MSH4: variants seen among roughly 807,000 people sequenced by gnomAD.
MSH4 encodes mutS protein homolog 4.
Under a neutral mutation model 113.7 loss-of-function variants are expected in MSH4, and 106 were observed. The observed-to-expected ratio is 0.93, with a 90% CI of 0.80 to 1.10. The LOEUF (loss-of-function observed/expected upper bound fraction) is 1.10, where lower values mean the gene tolerates loss of function less well. Ranked by LOEUF, MSH4 falls within the 50% of genes least tolerant of loss-of-function variation. MSH4 has a pLI of 0.00. For synonymous variants in MSH4, 368 were observed against 380.2 expected (o/e 0.97, Z 0.37); for missense variants, 1,061 against 1,093.7 (o/e 0.97, Z 0.42).
At chr1:75,836,537 C>A (rs72979226) in intron 7 of MSH4, among the ~76,000 whole-genome samples, 41,941 of 151,986 alleles carry the variant, frequency 0.28, 6,072 homozygotes, top group Middle Eastern at 0.37. Context: ...TAATAAATTA[C>A]TGGCACATAA....
chr1:75,804,585 A>C (rs1296094922), intron 2 of MSH4, among the ~76,000 whole-genome samples: 2 of 138,508 alleles, frequency 1.4e-5, no homozygotes, highest in African/African-American at 5.5e-5. Flanking sequence ...ATCTCGACTC[A>C]CTGCAATGTC....
At chr1:75,834,281 C>G (rs143926186) in intron 7 of MSH4, among the ~76,000 whole-genome samples, 11,996 of 152,220 alleles carry the variant, frequency 0.079, 731 homozygotes, top group East Asian at 0.27. Context: ...CAGGAAATAA[C>G]AAGTGCTGGA....
chr1:75,817,897 C>T (rs1557494436), intron 6 of MSH4, among the ~76,000 whole-genome samples: 2 of 151,714 alleles, frequency 1.3e-5, no homozygotes, highest in Admixed American at 6.6e-5. Context: ...TGACAGAAAT[C>T]TGGTAGAATG....
chr1:75,856,971 A>T (rs916624857), intron 8 of MSH4, among the ~76,000 whole-genome samples: 15 of 152,172 alleles, frequency 9.9e-5, no homozygotes, highest in African/African-American at 2.7e-4. Flanking sequence ...CTTTTTAATG[A>T]TCGCCATTCT....
Position 75,839,333 on chromosome 1 carries a change from G to A in MSH4, c.1163-8876G>A, listed in dbSNP as rs1207492121. 3.3e-5 allele frequency among the ~76,000 whole-genome samples: 5 copies of A among 152,024 alleles called. No individual in the cohort carries two copies. In the East Asian group the frequency reaches 9.7e-4, roughly 29 times the overall value. On this transcript the variant is annotated intron_variant, in intron 7 of 19. Transcript: ENST00000263187. ...GGGTTCAAGCAATTCTCCAGCCTCA[G>A]CCTCCCAAGTAGCTGGGATTACAGG...
rs770672373 is a variant in MSH4 at position 75,899,615 on chromosome 1, T to C, written c.2531-3T>C. 58 of 1,480,052 alleles carry C rather than the reference T, an allele frequency of 3.9e-5. No individual in the cohort carries two copies. The highest frequency in any genetic ancestry group is 5.0e-5 in the Non-Finnish European group (56 of 1,115,746). The allele number at this position is 1,480,052 out of a possible 1,614,324, so 91.7% of individuals were successfully genotyped here. ...AAGCCAAATTTAAAACAAATAATTC[T>C]AGGATTAAAAGCTGCAGAGGTGTCA... On this transcript the variant is annotated splice_region_variant and splice_polypyrimidine_tract_variant and intron_variant, in intron 18 of 19. Coordinates refer to ENST00000263187, the MANE Select transcript of MSH4 (RefSeq NM_002440.4).
chr1:75,905,722 G>T (rs999712433), intron 19 of MSH4, among the ~76,000 whole-genome samples: 1 of 152,022 alleles, frequency 6.6e-6, no homozygotes, highest in Non-Finnish European at 1.5e-5. Flanking sequence ...TACATATTTG[G>T]ATGGTCCACT....
chr1:75,848,397 T>C lies in MSH4; in HGVS notation c.1230+121T>C, dbSNP rs1023597787. 2.2e-5 allele frequency: 16 copies of C among 743,212 alleles called. No homozygotes were observed. In the African/African-American group the frequency reaches 2.9e-4, roughly 13 times the overall value. The allele number at this position is 743,212 out of a possible 1,614,324, so 46.0% of individuals were successfully genotyped here. ...TTGGGAAAGTCCTTCATTATTGATA[T>C]CTGGAGTATTTTATGCCACTGTAGA... On this transcript the variant is annotated intron_variant, in intron 8 of 19. Transcript: ENST00000263187.
chr1:75,825,936 G>A (rs1553132900), intron 7 of MSH4, among the ~76,000 whole-genome samples: 2 of 151,946 alleles, frequency 1.3e-5, no homozygotes, highest in South Asian at 4.1e-4. Context: ...TTTTTTTGTT[G>A]TGTCTGTACC....
chr1:75,881,222 A>T (rs776686825), intron 13 of MSH4, 24 bp from the exon 14 acceptor site: 1 of 1,434,044 alleles, frequency 7.0e-7, no homozygotes, highest in Admixed American at 2.4e-5. Context: ...ACATTATTAC[A>T]TGTCTTACCA....
At chr1:75,863,372 T>A (rs1391911814) in intron 8 of MSH4, among the ~76,000 whole-genome samples, 1 of 152,172 alleles carries the variant, frequency 6.6e-6, no homozygotes, top group Non-Finnish European at 1.5e-5. Context: ...CCTGCCATAG[T>A]TTCATAGATG....
chr1:75,875,300 G>A (rs1651795526), intron 9 of MSH4, among the ~76,000 whole-genome samples: 1 of 152,162 alleles, frequency 6.6e-6, no homozygotes, highest in Non-Finnish European at 1.5e-5. Context: ...CAGTAATGAC[G>A]ATGAAGATGA....
intron 9 of MSH4, among the ~76,000 whole-genome samples, chr1:75,869,445 A>G (rs1184164782): frequency 6.6e-6 from 1 of 152,232 alleles, no homozygotes; most frequent in African/African-American, 2.4e-5. Context: ...ATAATCACCA[A>G]GACAATGGGG....
chr1:75,895,787 C>T (rs1652366431), intron 17 of MSH4, among the ~76,000 whole-genome samples: 1 of 152,052 alleles, frequency 6.6e-6, no homozygotes, highest in African/African-American at 2.4e-5. Context: ...GGGGTTAGTG[C>T]TTTCTCAGTT....
chr1:75,853,334 G>GGGTT (rs1651235660), intron 8 of MSH4, among the ~76,000 whole-genome samples: 2 of 152,016 alleles, frequency 1.3e-5, no homozygotes, highest in African/African-American at 4.8e-5. Flanking sequence ...CAAAGTACTG[G>GGGTT]GGTTACAGGC....
chr1:75,880,266 A>AT, intron 13 of MSH4, 113 bp downstream of exon 13: 1 of 604,460 alleles, frequency 1.7e-6, no homozygotes, highest in Non-Finnish European at 2.8e-6. Context: ...AGAATTATGC[A>AT]TGTTAGCAAA....
intron 19 of MSH4, among the ~76,000 whole-genome samples, chr1:75,902,718 T>C (rs1348302797): frequency 1.9e-4 from 9 of 47,950 alleles, no homozygotes; most frequent in Non-Finnish European, 3.9e-4. Flanking sequence ...TATATATATA[T>C]ATATATATAT....
rs545714469 is a variant in MSH4 at position 75,883,884 on chromosome 1, A to T, written c.2107+63A>T. The stretch of plus-strand genomic sequence containing the variant: ...CTCTTTTCAGAATGCTTTGTGCCTA[A>T]TTTTTTTAGGGCCATGTGCCTAATT... On this transcript the variant is annotated intron_variant, in intron 15 of 19. Coordinates refer to ENST00000263187, the MANE Select transcript of MSH4 (RefSeq NM_002440.4). 70 of 1,424,010 alleles carry T rather than the reference A, an allele frequency of 4.9e-5. No homozygotes were observed. The East Asian group carries it at 1.5e-3, about 31-fold the overall frequency. The allele number at this position is 1,424,010 out of a possible 1,614,324, so 88.2% of individuals were successfully genotyped here.
In MSH4 at chr1:75,883,697, A is replaced by G. The variant is rs557432701; in HGVS notation, c.1983A>G (p.Lys661=). ...HPILEKISAE[K]PIANNTYVTE... ...TTCTTGAAAAAATATCTGCGGAAAA[A>G]CCTATTGCCAACAATACCTATGTTA... Residue 661 remains lysine, a synonymous_variant, in exon 15 of 20, where the codon AAA becomes AAG. Coordinates refer to ENST00000263187, the MANE Select transcript of MSH4 (RefSeq NM_002440.4). 8.9e-5 allele frequency: 144 copies of G among 1,613,200 alleles called. No individual in the cohort carries two copies. The highest frequency in any genetic ancestry group is 1.2e-4 in the Non-Finnish European group (137 of 1,179,672).
Sources: gnomAD v4.1 joint callset for allele counts (sites outside exome capture counted in the v4.1 genomes callset) on GRCh38, gnomAD v4.1.1 for gene constraint, MANE v1.5 for transcripts, NCBI Gene and HGNC (gene_info 2026-07-23, HGNC 2026-07-21) for gene names.